The following CACNA2D1 variants were observed in gnomAD, a reference collection of about 807,000 sequenced individuals.
The protein encoded by CACNA2D1 is calcium voltage-gated channel auxiliary subunit alpha2delta 1.
A neutral mutation model predicts 171.5 loss-of-function variants in CACNA2D1; 53 were observed. The ratio of observed to expected loss-of-function variants is 0.31; its 90% CI spans 0.25 to 0.39. The LOEUF is 0.39. CACNA2D1 is among the 10% of genes least tolerant of loss of function. The pLI is 1.00. For synonymous variants in CACNA2D1, 442 were observed against 443.1 expected, an observed-to-expected ratio of 1.00 and a Z score of 0.03; for missense variants, 903 against 1,299.8, an observed-to-expected ratio of 0.69 and a Z score of 4.69.
rs574613179 is a variant in CACNA2D1, at chr7:82,022,823, C to T, written c.1144-8344G>A. ...GCATTCTCAAAAATGGATTTATTGT[C>T]AAGTGATTATAACTTTAGATGTGCA... On this transcript the variant is annotated intron_variant, in intron 12 of 38. Coordinates refer to ENST00000356860, the MANE Select transcript of CACNA2D1 (RefSeq NM_000722.4). Among the ~76,000 whole-genome samples, 14 of 151,916 alleles carry T rather than the reference C, an allele frequency of 9.2e-5. No individual in the cohort carries two copies. In the South Asian group the frequency reaches 2.9e-3, roughly 31 times the overall value.
At chr7:82,172,396 A>G (rs1192973432) in intron 3 of CACNA2D1, among the ~76,000 whole-genome samples, 1 of 152,022 alleles carries the variant, frequency 6.6e-6, no homozygotes, top group Non-Finnish European at 1.5e-5. Flanking sequence ...GAAACACTTC[A>G]GTATGGGAAG....
intron 4 of CACNA2D1, among the ~76,000 whole-genome samples, chr7:82,138,177 G>A (rs567274486): frequency 1.3e-5 from 2 of 151,100 alleles, no homozygotes; most frequent in South Asian, 4.3e-4. Flanking sequence ...AAATCTGCCT[G>A]TTTTTGTTTG....
chr7:82,271,096 T>C (rs1166644392), intron 3 of CACNA2D1, among the ~76,000 whole-genome samples: 1 of 152,124 alleles, frequency 6.6e-6, no homozygotes, highest in Non-Finnish European at 1.5e-5. Context: ...GCTTTTTTCA[T>C]GTCAATTGTC....
chr7:82,227,537 T>C (rs946564823), intron 3 of CACNA2D1, among the ~76,000 whole-genome samples: 1 of 152,200 alleles, frequency 6.6e-6, no homozygotes. Context: ...CTAGTTTGGA[T>C]TCTCTGGATA....
At chr7:82,289,621 A>G (rs1811273038) in intron 3 of CACNA2D1, among the ~76,000 whole-genome samples, 1 of 152,242 alleles carries the variant, frequency 6.6e-6, no homozygotes, top group Admixed American at 6.5e-5. Flanking sequence ...TAGAGGGAAA[A>G]AACACCATTT....
At chr7:82,403,990 T>A (rs1826744784) in intron 1 of CACNA2D1, among the ~76,000 whole-genome samples, 1 of 152,168 alleles carries the variant, frequency 6.6e-6, no homozygotes, top group Non-Finnish European at 1.5e-5. Flanking sequence ...GAAACTATAT[T>A]TAAAATGTAA....
chr7:82,269,062 T>C (rs2129346008), intron 3 of CACNA2D1, among the ~76,000 whole-genome samples: 1 of 152,300 alleles, frequency 6.6e-6, no homozygotes. Flanking sequence ...AGATGTCTTC[T>C]TTTCTATCAA....
chr7:82,270,728 T>C (rs1455994850), intron 3 of CACNA2D1, among the ~76,000 whole-genome samples: 1 of 152,130 alleles, frequency 6.6e-6, no homozygotes, highest in East Asian at 1.9e-4. Context: ...CAAATTTTAA[T>C]TCTTGTTTTT....
intron 12 of CACNA2D1, among the ~76,000 whole-genome samples, chr7:82,015,609 T>A (rs1217669836): frequency 6.6e-6 from 1 of 152,168 alleles, no homozygotes; most frequent in Non-Finnish European, 1.5e-5. Flanking sequence ...AAACCCATAC[T>A]CTCAGCTCAA....
At chr7:82,088,716 A>G (rs1008837307) in intron 6 of CACNA2D1, among the ~76,000 whole-genome samples, 1 of 152,178 alleles carries the variant, frequency 6.6e-6, no homozygotes, top group African/African-American at 2.4e-5. Context: ...AATAATATGT[A>G]TAACAGGTGA....
intron 9 of CACNA2D1, among the ~76,000 whole-genome samples, chr7:82,063,861 A>AT (rs1177856743): frequency 0.024 from 3,456 of 144,408 alleles, 116 homozygotes; most frequent in African/African-American, 0.078. Context: ...AAAGTCCCAG[A>AT]TTTTTTTTTT....
intron 7 of CACNA2D1, among the ~76,000 whole-genome samples, chr7:82,071,689 AG>A: frequency 6.6e-6 from 1 of 152,292 alleles, no homozygotes. Flanking sequence ...GGCCTGTAAC[AG>A]GGCTTCAATA....
chr7:82,106,691 C>A (rs1241569536), intron 6 of CACNA2D1, among the ~76,000 whole-genome samples: 1 of 151,742 alleles, frequency 6.6e-6, no homozygotes, highest in East Asian at 1.9e-4. Context: ...ATTGTGAAAA[C>A]CAAATGGAAA....
intron 3 of CACNA2D1, among the ~76,000 whole-genome samples, chr7:82,222,701 A>T (rs2129254442): frequency 6.6e-6 from 1 of 151,956 alleles, no homozygotes; most frequent in East Asian, 1.9e-4. Context: ...TTTATTATAA[A>T]GCTGAGCTCT....
At chr7:82,401,297 G>C (rs1463415295) in intron 1 of CACNA2D1, among the ~76,000 whole-genome samples, 1 of 151,636 alleles carries the variant, frequency 6.6e-6, no homozygotes, top group African/African-American at 2.4e-5. Flanking sequence ...CAAAGACTTG[G>C]AACCAACCCA....
At chr7:82,221,902 A>C (rs2129252312) in intron 3 of CACNA2D1, among the ~76,000 whole-genome samples, 1 of 152,078 alleles carries the variant, frequency 6.6e-6, no homozygotes, top group South Asian at 2.1e-4. Context: ...AAAAAAACTC[A>C]GTCTGAAAAC....
intron 3 of CACNA2D1, among the ~76,000 whole-genome samples, chr7:82,261,231 A>T (rs1257789034): frequency 6.6e-6 from 1 of 152,224 alleles, no homozygotes; most frequent in African/African-American, 2.4e-5. Context: ...CTGGGATTAT[A>T]GGCATGGGCC....
intron 1 of CACNA2D1, among the ~76,000 whole-genome samples, chr7:82,400,118 T>C (rs1416330038): frequency 6.6e-6 from 1 of 150,808 alleles, no homozygotes; most frequent in African/African-American, 2.4e-5. Flanking sequence ...TGTAGTATAG[T>C]TTGAAGTCAG....
chr7:81,959,243 A>T, intron 38 of CACNA2D1, 32 bp downstream of exon 38: 1 of 1,412,370 alleles, frequency 7.1e-7, no homozygotes, highest in Non-Finnish European at 1.0e-6. Context: ...ATTAATTTAT[A>T]GTATTTTAAT....
Sources: allele counts gnomAD v4.1 joint callset (sites outside exome capture counted in the v4.1 genomes callset), GRCh38; gene constraint gnomAD v4.1.1; transcripts MANE v1.5; gene names NCBI Gene and HGNC (gene_info 2026-07-23, HGNC 2026-07-21).